GHR: variants seen among roughly 807,000 people sequenced by gnomAD.
The protein encoded by GHR is growth hormone receptor, also known as GH receptor.
A neutral mutation model predicts 67.1 loss-of-function variants in GHR; 35 were observed. The observed-to-expected ratio is 0.52, with a 90% CI of 0.40 to 0.69. The LOEUF is 0.69. GHR is among the 30% of genes least tolerant of loss of function. The pLI, the probability that GHR is intolerant of heterozygous loss-of-function variation, is 0.00. For synonymous variants in GHR, 272 were observed against 269.1 expected, an observed-to-expected ratio of 1.01 and a Z score of -0.10; for missense variants, 792 against 764.6, an observed-to-expected ratio of 1.04 and a Z score of -0.42.
rs560513089 is a variant in GHR at position 42,525,287 on chromosome 5, C to T, written c.-11-40577C>T. Among the ~76,000 whole-genome samples the T allele has an allele frequency of 3.1e-3, 476 of 152,350 alleles. 1 individual carries two copies. Among genetic ancestry groups the T allele is most frequent in the African/African-American group, 0.011 (461 of 41,588 alleles). ...GAACCCACCTCTTCCATCAGCGTGA[C>T]CTGGATGTGAGACATGGAGTCAAAG... On this transcript the variant is annotated intron_variant, in intron 1 of 9. Transcript: ENST00000230882.
At chr5:42,535,505 A>G (rs1748216733) in intron 1 of GHR, among the ~76,000 whole-genome samples, 5 of 152,030 alleles carry the variant, frequency 3.3e-5, no homozygotes, top group Admixed American at 3.3e-4. Flanking sequence ...ATTCTGTTCC[A>G]TTGGTCTATG....
rs564265821 is a variant in GHR, at chr5:42,701,503, C to T, written c.618+1501C>T. 1.5e-4 allele frequency among the ~76,000 whole-genome samples: 23 copies of T among 152,208 alleles called. No homozygotes were observed. In the South Asian group the frequency reaches 4.6e-3, roughly 30 times the overall value. ...CCAGCTGAACTAGTTGCTTTTATTG[C>T]TTGGAGCACCATTTTTACTTGGAAG... On this transcript the variant is annotated intron_variant, in intron 6 of 9. Coordinates refer to ENST00000230882, the MANE Select transcript of GHR (RefSeq NM_000163.5).
At chr5:42,451,188 T>C (rs981484043) in intron 1 of GHR, among the ~76,000 whole-genome samples, 12 of 152,232 alleles carry the variant, frequency 7.9e-5, no homozygotes, top group Admixed American at 7.2e-4. Context: ...CTTTGTTGAC[T>C]TTCTGTCTTG....
At chr5:42,505,793 CTTA>C (rs920314640) in intron 1 of GHR, among the ~76,000 whole-genome samples, 5 of 152,096 alleles carry the variant, frequency 3.3e-5, no homozygotes, top group African/African-American at 9.7e-5. Flanking sequence ...ATAGTAAGCA[CTTA>C]TTATATTATT....
chr5:42,598,660 C>T (rs549185019), intron 2 of GHR, among the ~76,000 whole-genome samples: 1 of 152,334 alleles, frequency 6.6e-6, no homozygotes, highest in East Asian at 1.9e-4. Flanking sequence ...CTGCCCACTG[C>T]CTTTCAGTTT....
At chr5:42,505,959 T>G (rs1490578089) in intron 1 of GHR, among the ~76,000 whole-genome samples, 3 of 152,194 alleles carry the variant, frequency 2.0e-5, no homozygotes, top group Non-Finnish European at 2.9e-5. Context: ...TCTCCCAAAT[T>G]CCATGGTATT....
chr5:42,639,995 G>A (rs943496400), intron 3 of GHR, among the ~76,000 whole-genome samples: 6 of 152,144 alleles, frequency 3.9e-5, no homozygotes, highest in African/African-American at 1.2e-4. Context: ...TAGTGTTTGA[G>A]TTTGGCAGTT....
Position 42,694,953 on chromosome 5 carries a change from C to T in GHR, c.303C>T (p.Cys101=). 2 of 1,610,530 alleles carry T rather than the reference C, an allele frequency of 1.2e-6. No individual in the cohort carries two copies. Among genetic ancestry groups the T allele is most frequent in the Non-Finnish European group, 1.7e-6 (2 of 1,177,496 alleles). The part of the protein sequence containing the change: ...TQEWTQEWKE[C]PDYVSAGENS... The stretch of plus-strand genomic sequence containing the variant: ...AATGGACTCAAGAATGGAAAGAATG[C>T]CCTGATTATGTTTCTGCTGGGGAAA... The change falls in exon 5 of 10, where the codon TGC becomes TGT. Residue 101 remains cysteine (C), a synonymous_variant. Coordinates refer to ENST00000230882, the MANE Select transcript of GHR (RefSeq NM_000163.5).
At chr5:42,697,606 C>G (rs1446853156) in intron 5 of GHR, among the ~76,000 whole-genome samples, 2 of 152,142 alleles carry the variant, frequency 1.3e-5, no homozygotes, top group Admixed American at 6.5e-5. Flanking sequence ...ACTCAATGAA[C>G]AGCAGGCCGG....
At chr5:42,716,768 G>T (rs1235260511) in intron 8 of GHR, among the ~76,000 whole-genome samples, 1 of 152,088 alleles carries the variant, frequency 6.6e-6, no homozygotes, top group Non-Finnish European at 1.5e-5. Flanking sequence ...TTATAAAATG[G>T]ATTTTTGCTT....
intron 2 of GHR, among the ~76,000 whole-genome samples, chr5:42,576,711 A>G (rs572762085): frequency 6.6e-6 from 1 of 152,378 alleles, no homozygotes; most frequent in South Asian, 2.1e-4. Flanking sequence ...ATAAGCCTTT[A>G]TAAAATGGGA....
chr5:42,430,752 C>CT (rs1206724641), intron 1 of GHR, among the ~76,000 whole-genome samples: 2 of 152,048 alleles, frequency 1.3e-5, no homozygotes, highest in East Asian at 1.9e-4. Context: ...GATTCAGTTC[C>CT]TTTTTTTACA....
chr5:42,514,166 T>G (rs1395827381), intron 1 of GHR: 1 of 984,968 alleles, frequency 1.0e-6, no homozygotes, highest in Non-Finnish European at 1.2e-6. Context: ...GGGCGCATCT[T>G]ACAAGTAATT....
chr5:42,609,399 C>G (rs566704297), intron 2 of GHR, among the ~76,000 whole-genome samples: 1 of 152,262 alleles, frequency 6.6e-6, no homozygotes, highest in Non-Finnish European at 1.5e-5. Flanking sequence ...TGTGGAGCAA[C>G]AAATGGGGAG....
At chr5:42,715,233 C>T (rs752232922) in intron 8 of GHR, 37 of 257,094 alleles carry the variant, frequency 1.4e-4, no homozygotes, top group Middle Eastern at 4.6e-4. Flanking sequence ...CCATTAAAAA[C>T]GCTTATCATT....
At chr5:42,621,141 C>A (rs533413982) in intron 2 of GHR, among the ~76,000 whole-genome samples, 1 of 152,204 alleles carries the variant, frequency 6.6e-6, no homozygotes, top group African/African-American at 2.4e-5. Flanking sequence ...CGAAAAGCAG[C>A]TTTTGGGGTG....
intron 2 of GHR, among the ~76,000 whole-genome samples, chr5:42,619,308 C>G (rs1753322076): frequency 6.6e-6 from 1 of 152,052 alleles, no homozygotes; most frequent in South Asian, 2.1e-4. Context: ...CTCACTCTCT[C>G]TACTCCTGCC....
chr5:42,434,700 G>A (rs1743244935), intron 1 of GHR, among the ~76,000 whole-genome samples: 1 of 152,184 alleles, frequency 6.6e-6, no homozygotes, highest in Admixed American at 6.5e-5. Context: ...AAGGATGATA[G>A]TTAGCTATGT....
Position 42,468,608 on chromosome 5 carries a change from C to A in GHR, c.-12+44653C>A, listed in dbSNP as rs1455816989. 6 of 1,032,668 alleles carry A rather than the reference C, an allele frequency of 5.8e-6. No individual in the cohort carries two copies. In the Admixed American group the frequency reaches 1.2e-4, roughly 21 times the overall value. The allele number at this position is 1,032,668 out of a possible 1,614,324, so 64.0% of individuals were successfully genotyped here. On this transcript the variant is annotated intron_variant, in intron 1 of 9. Coordinates refer to ENST00000230882, the MANE Select transcript of GHR (RefSeq NM_000163.5). ...CGTCTCCTCTTTCCTGTCAACCACG[C>A]CAACGCTGGAGGGCAGCGGGTTCTT... is the stretch of plus-strand genomic sequence containing the variant.
Sources: gnomAD v4.1 joint callset for allele counts (sites outside exome capture counted in the v4.1 genomes callset) on GRCh38, gnomAD v4.1.1 for gene constraint, MANE v1.5 for transcripts, NCBI Gene and HGNC (gene_info 2026-07-23, HGNC 2026-07-21) for gene names.